PIK3C2G: variants seen among roughly 807,000 people sequenced by gnomAD.
PIK3C2G encodes phosphatidylinositol-4-phosphate 3-kinase catalytic subunit type 2 gamma.
In PIK3C2G, 168 loss-of-function variants were observed where a neutral mutation model predicts 181.1. The observed-to-expected ratio is 0.93, with a 90% CI of 0.82 to 1.05. The LOEUF (loss-of-function observed/expected upper bound fraction) is 1.05. Among genes scored for constraint, PIK3C2G ranks in the 50% least tolerant of loss-of-function variants. The pLI is 0.00. For missense variants in PIK3C2G, 1,869 were observed against 1,732.8 expected (o/e 1.08, Z -1.40); for synonymous variants, 573 against 592.2 (o/e 0.97, Z 0.47).
chr12:18,387,155 A>G (rs767567645), intron 14 of PIK3C2G, among the ~76,000 whole-genome samples: 50 of 152,090 alleles, frequency 3.3e-4, no homozygotes, highest in Non-Finnish European at 6.5e-4. Flanking sequence ...GGTCCATACT[A>G]TATCCTGCCA....
At chr12:18,583,920 T>C (rs1592644516) in intron 29 of PIK3C2G, among the ~76,000 whole-genome samples, 1 of 152,058 alleles carries the variant, frequency 6.6e-6, no homozygotes, top group South Asian at 2.1e-4. Flanking sequence ...GGAACAAAGA[T>C]CATTGATGCT....
chr12:18,329,082 G>C (rs1167315929), intron 8 of PIK3C2G, among the ~76,000 whole-genome samples: 1 of 151,842 alleles, frequency 6.6e-6, no homozygotes, highest in East Asian at 1.9e-4. Context: ...TGTACTAAAA[G>C]TCAAAGCTAT....
chr12:18,508,797 T>C (rs1469443262), intron 24 of PIK3C2G, among the ~76,000 whole-genome samples: 2 of 152,128 alleles, frequency 1.3e-5, no homozygotes, highest in Non-Finnish European at 2.9e-5. Flanking sequence ...AAACCAGATT[T>C]ATAAATCATG....
chr12:18,362,726 A>T, intron 11 of PIK3C2G, 38 bp from the exon 12 acceptor site: 3 of 1,435,376 alleles, frequency 2.1e-6, no homozygotes, highest in Non-Finnish European at 2.7e-6. Flanking sequence ...GTTTCTTTAA[A>T]GTGCTAAGCA....
chr12:18,410,000 GA>G (rs755854999), intron 16 of PIK3C2G, among the ~76,000 whole-genome samples: 57 of 152,118 alleles, frequency 3.7e-4, no homozygotes, highest in Middle Eastern at 6.8e-3. Flanking sequence ...ACTAAAGGGG[GA>G]AATCTGCCCC....
At chr12:18,595,497 T>C (rs7136307) in intron 30 of PIK3C2G, among the ~76,000 whole-genome samples, 119,088 of 152,120 alleles carry the variant, frequency 0.78, 47,333 homozygotes, top group East Asian at 0.94. Flanking sequence ...AAAATAATAG[T>C]AATATTTAAC....
chr12:18,583,416 C>G (rs938182571), intron 29 of PIK3C2G, among the ~76,000 whole-genome samples: 17 of 152,100 alleles, frequency 1.1e-4, no homozygotes, highest in Admixed American at 7.2e-4. Flanking sequence ...TCCTCCTGGC[C>G]TGAGTCTCCA....
chr12:18,722,973 T>A, the PIK3C2G span, among the ~76,000 whole-genome samples: 1 of 152,024 alleles, frequency 6.6e-6, no homozygotes, highest in African/African-American at 2.4e-5. Context: ...ATCTTATTCA[T>A]GAGATCAAGA....
the PIK3C2G span, among the ~76,000 whole-genome samples, chr12:18,663,185 C>A: frequency 6.6e-6 from 1 of 152,004 alleles, no homozygotes; most frequent in South Asian, 2.1e-4. Flanking sequence ...TGAACAGGTT[C>A]ATCACTTTTA....
At chr12:18,258,768 G>A (rs774651399), upstream of PIK3C2G, among the ~76,000 whole-genome samples, 1 of 151,754 alleles carries the variant, frequency 6.6e-6, no homozygotes, top group Non-Finnish European at 1.5e-5. Context: ...AAATGTTGAG[G>A]CTCAGGTTGT....
At chr12:18,375,165 G>A (rs1942347258) in intron 13 of PIK3C2G, among the ~76,000 whole-genome samples, 1 of 152,194 alleles carries the variant, frequency 6.6e-6, no homozygotes, top group Non-Finnish European at 1.5e-5. Context: ...ACATGAAAAT[G>A]AGAGAAAGTT....
chr12:18,550,913 G>A (rs957533922), intron 26 of PIK3C2G, among the ~76,000 whole-genome samples: 11 of 151,998 alleles, frequency 7.2e-5, no homozygotes, highest in African/African-American at 2.7e-4. Flanking sequence ...TTTGAGACTT[G>A]AAAGAAATAA....
At chr12:18,669,342 C>G in the PIK3C2G span, among the ~76,000 whole-genome samples, 1 of 152,186 alleles carries the variant, frequency 6.6e-6, no homozygotes, top group African/African-American at 2.4e-5. Context: ...ATGTAGCAGG[C>G]ACCACAGTAA....
the PIK3C2G span, among the ~76,000 whole-genome samples, chr12:18,726,582 T>A: frequency 2.2e-4 from 33 of 152,164 alleles, no homozygotes; most frequent in Non-Finnish European, 2.5e-4. Context: ...AATAATTCTA[T>A]TGATTGTCAT....
chr12:18,699,836 AATT>A, the PIK3C2G span: 10 of 1,613,396 alleles, frequency 6.2e-6, no homozygotes, highest in East Asian at 2.2e-4. Flanking sequence ...TCCCCAATAG[AATT>A]ATTTTCATTA....
chr12:18,393,978 A>T (rs1943704737), intron 15 of PIK3C2G, among the ~76,000 whole-genome samples: 1 of 152,104 alleles, frequency 6.6e-6, no homozygotes, highest in South Asian at 2.1e-4. Context: ...AGTCTTCTTA[A>T]ATATTTGGTT....
At chr12:18,474,470 T>C (rs1275458624) in intron 18 of PIK3C2G, among the ~76,000 whole-genome samples, 3 of 152,128 alleles carry the variant, frequency 2.0e-5, no homozygotes, top group African/African-American at 7.2e-5. Context: ...TTTATACCTT[T>C]CCAGAATTCT....
chr12:18,722,143 C>T, the PIK3C2G span, among the ~76,000 whole-genome samples: 1 of 152,180 alleles, frequency 6.6e-6, no homozygotes, highest in South Asian at 2.1e-4. Context: ...GCTCAAATCT[C>T]ACACTCTCAG....
At chr12:18,259,121 G>A (rs751908675), upstream of PIK3C2G, among the ~76,000 whole-genome samples, 10 of 152,002 alleles carry the variant, frequency 6.6e-5, no homozygotes, top group Non-Finnish European at 1.3e-4. Context: ...GCAACAGGGT[G>A]GGAAGTTGCT....
Sources: allele counts gnomAD v4.1 joint callset (sites outside exome capture counted in the v4.1 genomes callset), GRCh38; gene constraint gnomAD v4.1.1; transcripts MANE v1.5; gene names NCBI Gene and HGNC (gene_info 2026-07-23, HGNC 2026-07-21).